Variants in PRAG1 observed in about 807,000 individuals in gnomAD.
PRAG1 encodes PEAK1 related, kinase-activating pseudokinase 1.
PRAG1 carries 110 observed loss-of-function variants against 95.6 expected under a neutral mutation model. The observed-to-expected ratio is 1.15, with a 90% CI of 0.99 to 1.35. PRAG1 has a LOEUF of 1.35. PRAG1 is among the 40% of genes most tolerant of loss of function. PRAG1 has a pLI of 0.00. For synonymous variants in PRAG1, 1,052 were observed against 819.4 expected, an observed-to-expected ratio of 1.28 and a Z score of -4.85; for missense variants, 2,554 against 1,864.7, an observed-to-expected ratio of 1.37 and a Z score of -6.81.
chr8:8,324,300 C>T (rs1798563981), intron 5 of PRAG1, among the ~76,000 whole-genome samples: 1 of 152,216 alleles, frequency 6.6e-6, no homozygotes, highest in Non-Finnish European at 1.5e-5. Flanking sequence ...CCTGGAGCTC[C>T]AGTCAGGCTG....
In PRAG1 at chr8:8,318,230, C is replaced by T; in HGVS notation, c.4145G>A (p.Trp1382Ter). Reference sequence around the variant, plus strand: ...AGACGCCAGGTACTGGCAGCAAAGCCAGTCCTCCAGCTCCACGCCCCGCCT... The same window carrying T: ...AGACGCCAGGTACTGGCAGCAAAGCTAGTCCTCCAGCTCCACGCCCCGCCT... ...DRRRGVELEDWLCCQYLASAE... is the reference protein window; with the variant it reads ...DRRRGVELED The change falls in exon 6 of 6, where the codon TGG (tryptophan) becomes TAG (stop). Residue 1382 changes from tryptophan (W) to a stop codon, truncating the protein, a stop_gained. Coordinates refer to ENST00000615670, the MANE Select transcript of PRAG1 (RefSeq NM_001080826.3). LOFTEE classifies it high-confidence loss of function. This position sits in a 1 kb window ranked among gnomAD's most constrained non-coding sequence, Gnocchi z 4.2. The T allele has an allele frequency of 6.2e-7, 1 of 1,614,176 alleles. No homozygotes were observed. The highest frequency in any genetic ancestry group is 8.5e-7 in the Non-Finnish European group (1 of 1,180,018).
intron 3 of PRAG1, among the ~76,000 whole-genome samples, chr8:8,343,264 C>CA (rs1563237135): frequency 6.7e-6 from 1 of 148,282 alleles, no homozygotes; most frequent in Non-Finnish European, 1.5e-5. Context: ...GGAACTCTCT[C>CA]ACACTGTTTG....
At chr8:8,331,587 G>C (rs1304023797) in intron 4 of PRAG1, among the ~76,000 whole-genome samples, 1 of 152,124 alleles carries the variant, frequency 6.6e-6, no homozygotes, top group Non-Finnish European at 1.5e-5. Context: ...TCTATGTCTA[G>C]TTCACACAAA....
rs57329300 is a variant in PRAG1, at chr8:8,345,046, GGTGTGTGTGTGTGT to G, written c.2163-5425_2163-5412del. ...TGATTACAGGATAAATTATCCGCAG[GGTGTGTGTGTGTGT>G]GTGTGTGTGTGTGTGTGTGTGTGTG... On this transcript the variant is annotated intron_variant, in intron 3 of 5. Coordinates refer to ENST00000615670, the MANE Select transcript of PRAG1 (RefSeq NM_001080826.3). 5.6e-3 allele frequency among the ~76,000 whole-genome samples: 752 copies of G among 134,048 alleles called. 3 individuals are homozygous for G. The highest frequency in any genetic ancestry group is 0.013 in the South Asian group (53 of 3,962). 87.9% of individuals were successfully genotyped at this position (134,048 alleles called of 152,430 possible).
rs1284704269 is a variant in PRAG1 at position 8,371,132 on chromosome 8, A to G, written c.2162+5115T>C. ...GCCTGAGCGACAGAGATTCTGTCTCAAAAAAAAAAAAAAAAAAAAGAGTGA... is the reference window on the plus strand; with the variant it reads ...GCCTGAGCGACAGAGATTCTGTCTCGAAAAAAAAAAAAAAAAAAAGAGTGA... On this transcript the variant is annotated intron_variant, in intron 3 of 5. Transcript: ENST00000615670. Among the ~76,000 whole-genome samples the G allele has an allele frequency of 3.5e-5, 3 of 85,630 alleles. No homozygotes were observed. The South Asian group carries it at 1.2e-3, about 35-fold the overall frequency. 56.2% of individuals were successfully genotyped at this position (85,630 alleles called of 152,430 possible).
rs1585278492 is a variant in PRAG1, at chr8:8,377,252, G to C, written c.1157C>G (p.Thr386Ser). The C allele has an allele frequency of 1.2e-6, 2 of 1,612,874 alleles. No homozygotes were observed. Among genetic ancestry groups the C allele is most frequent in the Non-Finnish European group, 1.7e-6 (2 of 1,179,970 alleles). ...KQQDPGCPGVTPSRCLGLTGE... is the reference protein window; with the variant it reads ...KQQDPGCPGVSPSRCLGLTGE... ...CGTCAGCCCAAGGCATCTGCTAGGG[G>C]TCACCCCTGGGCAGCCAGGGTCCTG... is the stretch of plus-strand genomic sequence containing the variant. Residue 386 changes from threonine to serine, a missense_variant, in exon 3 of 6, where the codon ACC (threonine) becomes AGC (serine). By Grantham distance (58) the Thr-to-Ser change is moderately conservative (BLOSUM62 1). Transcript: ENST00000615670.
intron 4 of PRAG1, among the ~76,000 whole-genome samples, chr8:8,334,667 A>G (rs1289904977): frequency 1.3e-5 from 2 of 149,724 alleles, no homozygotes; most frequent in Non-Finnish European, 3.0e-5. Flanking sequence ...ACAGGCTCTA[A>G]GTATCTCGAA....
intron 3 of PRAG1, among the ~76,000 whole-genome samples, chr8:8,348,338 G>T (rs1310849063): frequency 6.6e-6 from 1 of 152,182 alleles, no homozygotes; most frequent in African/African-American, 2.4e-5. Context: ...CTCTAGCTTA[G>T]CCACCATGTT....
intron 4 of PRAG1, among the ~76,000 whole-genome samples, chr8:8,334,516 A>G (rs1798925295): frequency 6.6e-6 from 1 of 151,874 alleles, no homozygotes; most frequent in African/African-American, 2.4e-5. Flanking sequence ...GAAGCAGGTT[A>G]TTAGCATTTT....
intron 3 of PRAG1, among the ~76,000 whole-genome samples, chr8:8,346,704 C>T (rs1210658297): frequency 6.6e-6 from 1 of 152,168 alleles, no homozygotes; most frequent in Non-Finnish European, 1.5e-5. Context: ...GATGCGGGGC[C>T]CCAGTGTGCA....
Position 8,328,196 on chromosome 8 carries a change from A to C in PRAG1, c.2586T>G (p.Phe862Leu). 1 of 1,614,216 alleles carries C rather than the reference A, an allele frequency of 6.2e-7. No individual in the cohort carries two copies. Among genetic ancestry groups the C allele is most frequent in the South Asian group, 1.1e-5 (1 of 91,076 alleles). ...GGTTCCCGGGGCTCAACGAATAGCT[A>C]AAGTGAGATTCGTCGTGGACGTTGG... ...SETNVHDESH[F>L]SYSLSPGNRH... The change falls in exon 5 of 6, where the codon TTT becomes TTG. Residue 862 changes from phenylalanine (F) to leucine (L), a missense_variant. Physicochemically the swap from Phe to Leu is conservative, Grantham distance 22. Transcript: ENST00000615670.
At chr8:8,358,886 A>G (rs1023311732) in intron 3 of PRAG1, among the ~76,000 whole-genome samples, 1 of 152,242 alleles carries the variant, frequency 6.6e-6, no homozygotes, top group African/African-American at 2.4e-5. Context: ...AACAAAGGAA[A>G]AGAGGAAGTT....
chr8:8,343,673 G>C (rs1799243380), intron 3 of PRAG1, among the ~76,000 whole-genome samples: 1 of 152,346 alleles, frequency 6.6e-6, no homozygotes, highest in Non-Finnish European at 1.5e-5. Flanking sequence ...TAAAGGGCCA[G>C]ATGGTAAATA....
chr8:8,375,460 A>C (rs1225910217), intron 3 of PRAG1, among the ~76,000 whole-genome samples: 1 of 152,088 alleles, frequency 6.6e-6, no homozygotes, highest in African/African-American at 2.4e-5. Flanking sequence ...TCGGCCTCCC[A>C]AAGTGCTGAG....
intron 4 of PRAG1, among the ~76,000 whole-genome samples, chr8:8,328,967 G>A (rs190019158): frequency 6.6e-6 from 1 of 152,048 alleles, no homozygotes; most frequent in East Asian, 1.9e-4. Flanking sequence ...ATCCCTTTTT[G>A]ATGGACACTT....
At chr8:8,364,328 C>A (rs746945033) in intron 3 of PRAG1, among the ~76,000 whole-genome samples, 3 of 152,150 alleles carry the variant, frequency 2.0e-5, no homozygotes, top group Admixed American at 6.5e-5. Flanking sequence ...CTGTTAACTG[C>A]CTATCCATGT....
At chr8:8,322,616 G>C (rs1205964025) in intron 5 of PRAG1, among the ~76,000 whole-genome samples, 1 of 152,046 alleles carries the variant, frequency 6.6e-6, no homozygotes, top group African/African-American at 2.4e-5. Context: ...CTCCCTGTTG[G>C]GATTACTGAT....
Position 8,328,135 on chromosome 8 carries a change from C to G in PRAG1, c.2647G>C (p.Glu883Gln). The part of the protein sequence containing the change: ...HPVFSSSDPL[E>Q]KAFKGSGHWL... ...TGGCCACTGCCTTTGAAAGCTTTCT[C>G]CAGAGGATCGGAAGAGGAGAAGACA... The change falls in exon 5 of 6, where the codon GAG becomes CAG. Residue 883 changes from glutamate (E) to glutamine (Q), a missense_variant. Glu to Gln is a conservative substitution (Grantham distance 29). Coordinates refer to ENST00000615670, the MANE Select transcript of PRAG1 (RefSeq NM_001080826.3). The G allele has an allele frequency of 6.2e-7, 1 of 1,614,172 alleles. No homozygotes were observed. The highest frequency in any genetic ancestry group is 8.5e-7 in the Non-Finnish European group (1 of 1,180,014).
rs749640623 is a variant in PRAG1 at position 8,377,437 on chromosome 8, G to C, written c.972C>G (p.Gly324=). The C allele has an allele frequency of 3.9e-6, 6 of 1,557,166 alleles. No individual in the cohort carries two copies. The highest frequency in any genetic ancestry group is 4.3e-6 in the Non-Finnish European group (5 of 1,152,542). The change falls in exon 3 of 6, where the codon GGC becomes GGG. Residue 324 remains glycine, a synonymous_variant. Transcript: ENST00000615670. ...QGPTAHPSCL[G]PKKLSLTSEA... ...CCGAGGTGAGGGACAGTTTCTTGGG[G>C]CCCAGGCAGGATGGGTGGGCAGTGG...
Sources: allele counts gnomAD v4.1 joint callset (sites outside exome capture counted in the v4.1 genomes callset), GRCh38; gene constraint gnomAD v4.1.1; non-coding constraint Gnocchi (gnomAD v3.1); transcripts MANE v1.5; gene names NCBI Gene and HGNC (gene_info 2026-07-23, HGNC 2026-07-21).